The following NCR1 variants were observed in gnomAD, a reference collection of about 807,000 sequenced individuals.
NCR1 encodes the protein NK cell-activating receptor.
A neutral mutation model predicts 32.5 loss-of-function variants in NCR1; 30 were observed. The ratio of observed to expected loss-of-function variants is 0.92; its 90% CI spans 0.69 to 1.25. NCR1 has a LOEUF of 1.25. NCR1 is among the 50% of genes most tolerant of loss of function. The probability of loss-of-function intolerance (pLI) is 0.00; values close to 1 mark genes in which losing one functional copy is unlikely to be tolerated. For missense variants in NCR1, 369 were observed against 380.7 expected, an observed-to-expected ratio of 0.97 and a Z score of 0.26; for synonymous variants, 169 against 143.4, an observed-to-expected ratio of 1.18 and a Z score of -1.28.
chr19:54,903,351 CATATATACATACAT>C (rs1569535521), upstream of NCR1, among the ~76,000 whole-genome samples: 2,746 of 116,706 alleles, frequency 0.024, 79 homozygotes, highest in African/African-American at 0.09. Flanking sequence ...TACATATATG[CATATATACATACAT>C]GTATATATAC....
downstream of NCR1, among the ~76,000 whole-genome samples, chr19:54,918,879 G>T (rs1385102520): frequency 6.6e-6 from 1 of 151,902 alleles, no homozygotes; most frequent in Non-Finnish European, 1.5e-5. Flanking sequence ...AGCTACTAGG[G>T]AGGCTGAGGT....
chr19:54,921,929 T>C, the NCR1 span, among the ~76,000 whole-genome samples: 3 of 150,962 alleles, frequency 2.0e-5, no homozygotes, highest in African/African-American at 4.9e-5. Flanking sequence ...AGAGTTTTGC[T>C]CTTATTGCCC....
the NCR1 span, chr19:54,933,515 G>A: frequency 6.3e-7 from 1 of 1,591,086 alleles, no homozygotes; most frequent in Non-Finnish European, 8.6e-7. Flanking sequence ...GTACTTTCAT[G>A]TCTCTCCTGC....
chr19:54,928,228 A>G, the NCR1 span, among the ~76,000 whole-genome samples: 1 of 152,138 alleles, frequency 6.6e-6, no homozygotes, highest in Non-Finnish European at 1.5e-5. Flanking sequence ...TCACAAATAT[A>G]TAACATAAAA....
At chr19:54,916,735 G>A (rs1189672945), downstream of NCR1, among the ~76,000 whole-genome samples, 49 of 89,230 alleles carry the variant, frequency 5.5e-4, no homozygotes, top group Non-Finnish European at 8.0e-4. Context: ...TTTGAGTCTC[G>A]CTCTGCACAC....
the NCR1 span, among the ~76,000 whole-genome samples, chr19:54,932,699 G>A: frequency 1.3e-4 from 19 of 151,558 alleles, no homozygotes; most frequent in Middle Eastern, 3.4e-3. Context: ...TCTGTCGCCC[G>A]GGCTGGAGTG....
the NCR1 span, chr19:54,927,519 G>T: frequency 8.1e-6 from 11 of 1,362,422 alleles, no homozygotes; most frequent in East Asian, 2.5e-4. Flanking sequence ...TTGCGCCACT[G>T]CACTCCAGCC....
intron 3 of NCR1, 37 bp from the exon 4 acceptor site, chr19:54,909,208 T>C: frequency 6.3e-7 from 1 of 1,575,308 alleles, no homozygotes; most frequent in Non-Finnish European, 8.6e-7. Context: ...TGCTCATCAC[T>C]GAGTTTCTGG....
In NCR1 at chr19:54,906,654, G is replaced by T; in HGVS notation, c.202G>T (p.Ala68Ser). Reference protein sequence around the residue: ...YQLHFEGSLFAVDRPKPPERI... With the variant: ...YQLHFEGSLFSVDRPKPPERI... ...GCTGCACTTTGAAGGAAGCCTTTTT[G>T]CCGTGGACAGACCAAAACCCCCTGA... Residue 68 changes from alanine (A) to serine (S), a missense_variant, in exon 3 of 7, where the codon GCC (alanine) becomes TCC (serine). Ala to Ser is a moderately conservative substitution (Grantham distance 99). Coordinates refer to ENST00000291890, the MANE Select transcript of NCR1 (RefSeq NM_004829.7). 6.2e-7 allele frequency: 1 copy of T among 1,614,132 alleles called. No homozygotes were observed. Among genetic ancestry groups the T allele is most frequent in the Non-Finnish European group, 8.5e-7 (1 of 1,180,024 alleles).
chr19:54,931,257 A>G, the NCR1 span, among the ~76,000 whole-genome samples: 1 of 151,830 alleles, frequency 6.6e-6, no homozygotes, highest in Non-Finnish European at 1.5e-5. Flanking sequence ...CCCCATCTCT[A>G]CTAAAAAATA....
chr19:54,925,400 C>T, the NCR1 span, among the ~76,000 whole-genome samples: 1 of 152,086 alleles, frequency 6.6e-6, no homozygotes, highest in Non-Finnish European at 1.5e-5. Context: ...AAAAATCGTA[C>T]CTTGAGCAGG....
At chr19:54,934,366 C>T in the NCR1 span, 1 of 978,958 alleles carries the variant, frequency 1.0e-6, no homozygotes, top group Non-Finnish European at 1.7e-6. This position sits in a 1 kb window ranked among gnomAD's most constrained non-coding sequence, Gnocchi z 6.7. Flanking sequence ...CGTGCCGGGC[C>T]TGAAGCAGGT....
At chr19:54,915,548 A>T (rs1299792103), downstream of NCR1, among the ~76,000 whole-genome samples, 1 of 152,150 alleles carries the variant, frequency 6.6e-6, no homozygotes, top group Non-Finnish European at 1.5e-5. Flanking sequence ...GCTACTCGGG[A>T]GGCTGAGGCA....
chr19:54,910,477 G>T (rs1569537259), intron 5 of NCR1, among the ~76,000 whole-genome samples: 1 of 152,176 alleles, frequency 6.6e-6, no homozygotes, highest in Non-Finnish European at 1.5e-5. Context: ...GGCTGAGGCA[G>T]GAGAATTGTT....
intron 3 of NCR1, among the ~76,000 whole-genome samples, chr19:54,907,480 A>G (rs2067694856): frequency 1.0e-5 from 1 of 100,104 alleles, no homozygotes; most frequent in African/African-American, 3.6e-5. Context: ...AAAAAAAAAA[A>G]TTAGCTTTTT....
chr19:54,931,685 CAA>C, the NCR1 span, among the ~76,000 whole-genome samples: 39,255 of 129,472 alleles, frequency 0.3, 5,400 homozygotes, highest in Middle Eastern at 0.44. Context: ...AACTCCATCT[CAA>C]AAAAAAAAAA....
upstream of NCR1, among the ~76,000 whole-genome samples, chr19:54,901,746 T>C (rs1370998690): frequency 6.6e-6 from 1 of 152,200 alleles, no homozygotes; most frequent in Non-Finnish European, 1.5e-5. Flanking sequence ...GGCAGGTGGA[T>C]CAGTTGAGTT....
chr19:54,931,558 C>T, the NCR1 span, among the ~76,000 whole-genome samples: 1 of 152,090 alleles, frequency 6.6e-6, no homozygotes, highest in East Asian at 1.9e-4. Context: ...TGTGGTGGCA[C>T]ATGCCTGTAA....
chr19:54,934,532 A>G, the NCR1 span: 10 of 1,614,050 alleles, frequency 6.2e-6, no homozygotes, highest in Non-Finnish European at 8.5e-6. This position sits in a 1 kb window ranked among gnomAD's most constrained non-coding sequence, Gnocchi z 6.7. Context: ...ATGGTCTTGT[A>G]CAGCAACATG....
Sources: allele counts gnomAD v4.1 joint callset (sites outside exome capture counted in the v4.1 genomes callset), GRCh38; gene constraint gnomAD v4.1.1; non-coding constraint Gnocchi (gnomAD v3.1); transcripts MANE v1.5; gene names NCBI Gene and HGNC (gene_info 2026-07-23, HGNC 2026-07-21).